Variants in TRIM67 observed in about 807,000 individuals in gnomAD.
TRIM67 encodes tripartite motif containing 67, also known as tripartite motif-containing protein 67.
TRIM67 carries 39 observed loss-of-function variants against 71.0 expected under a neutral mutation model. The observed-to-expected ratio is 0.55, with a 90% CI of 0.43 to 0.72. TRIM67 has a LOEUF of 0.72. Ranked by LOEUF, TRIM67 falls within the 30% of genes least tolerant of loss-of-function variation. The pLI is 0.00. For missense variants in TRIM67, 973 were observed against 1,079.2 expected, an observed-to-expected ratio of 0.90 and a Z score of 1.38; for synonymous variants, 481 against 473.9, an observed-to-expected ratio of 1.01 and a Z score of -0.19.
intron 1 of TRIM67, among the ~76,000 whole-genome samples, chr1:231,174,333 A>ATT (rs111838016): frequency 5.5e-4 from 77 of 138,804 alleles, no homozygotes; most frequent in African/African-American, 1.7e-3. Flanking sequence ...AAATTTGCTA[A>ATT]TTTTTTTTTT....
chr1:231,202,477 T>C (rs1460414901), intron 5 of TRIM67, among the ~76,000 whole-genome samples: 1 of 152,066 alleles, frequency 6.6e-6, no homozygotes, highest in Non-Finnish European at 1.5e-5. Flanking sequence ...TCAGAGACCC[T>C]AGAGGGTTAA....
In TRIM67 at chr1:231,217,599, C is replaced by T. The variant is rs796794019; in HGVS notation, c.*2159C>T. 9.5e-7 allele frequency: 1 copy of T among 1,049,274 alleles called. No individual in the cohort carries two copies. The highest frequency in any genetic ancestry group is 1.2e-6 in the Non-Finnish European group (1 of 865,282). The allele number at this position is 1,049,274 out of a possible 1,614,324, so 65.0% of individuals were successfully genotyped here. ...GTCTAGCTCTCTTCTGAAAAAAAAACAGGCCTACACCCTGCCCCCAGAATG... is the reference window on the plus strand; with the variant it reads ...GTCTAGCTCTCTTCTGAAAAAAAAATAGGCCTACACCCTGCCCCCAGAATG... On this transcript the variant is annotated 3_prime_UTR_variant, in exon 10 of 10. Coordinates refer to ENST00000366653, the MANE Select transcript of TRIM67 (RefSeq NM_001004342.5).
chr1:231,178,747 G>A (rs538972493), intron 1 of TRIM67, among the ~76,000 whole-genome samples: 49 of 152,286 alleles, frequency 3.2e-4, no homozygotes, highest in African/African-American at 5.8e-4. Flanking sequence ...AAAAAGATCC[G>A]TGTTCCATTT....
At chr1:231,172,914 T>C (rs1253517057) in intron 1 of TRIM67, among the ~76,000 whole-genome samples, 1 of 152,264 alleles carries the variant, frequency 6.6e-6, no homozygotes, top group Non-Finnish European at 1.5e-5. Flanking sequence ...ACCTATCAGC[T>C]GAGCTGTGTA....
chr1:231,201,655 C>T (rs1222023336), intron 5 of TRIM67, 138 bp downstream of exon 5: 7 of 1,098,588 alleles, frequency 6.4e-6, no homozygotes, highest in East Asian at 2.6e-5. Flanking sequence ...GCCAGAGTCA[C>T]GGACCTAGGT....
At chr1:231,194,652 C>T (rs904138822) in intron 1 of TRIM67, among the ~76,000 whole-genome samples, 2 of 152,108 alleles carry the variant, frequency 1.3e-5, no homozygotes, top group African/African-American at 4.8e-5. Context: ...ATGTGCAAGG[C>T]GATCAGTAAA....
intron 2 of TRIM67, 131 bp downstream of exon 2, chr1:231,197,597 G>A (rs756171786): frequency 4.5e-5 from 32 of 705,052 alleles, no homozygotes; most frequent in East Asian, 2.0e-4. Flanking sequence ...AGGCCGAGGC[G>A]GGCAGATCAC....
intron 6 of TRIM67, among the ~76,000 whole-genome samples, chr1:231,204,611 T>C (rs2102755546): frequency 6.6e-6 from 1 of 152,296 alleles, no homozygotes; most frequent in East Asian, 1.9e-4. Context: ...CCAGCCCTAA[T>C]AGAGCACTAC....
At chr1:231,200,030 G>A (rs1365650443) in intron 3 of TRIM67, 118 bp from the exon 4 acceptor site, 12 of 705,242 alleles carry the variant, frequency 1.7e-5, no homozygotes, top group African/African-American at 3.5e-5. Context: ...GGTGCAAGGT[G>A]GTCCAGGCCA....
At chr1:231,179,877 G>T (rs972173396) in intron 1 of TRIM67, among the ~76,000 whole-genome samples, 2 of 152,164 alleles carry the variant, frequency 1.3e-5, no homozygotes, top group Non-Finnish European at 2.9e-5. Context: ...GCAGTGTGGT[G>T]CTGATTAGAG....
At chr1:231,168,956 G>C (rs1408803325) in intron 1 of TRIM67, among the ~76,000 whole-genome samples, 1 of 152,260 alleles carries the variant, frequency 6.6e-6, no homozygotes, top group Non-Finnish European at 1.5e-5. Flanking sequence ...ACTTTAAGCA[G>C]AGTGTTTGGA....
chr1:231,164,056 G>A (rs377023218), intron 1 of TRIM67, 43 bp downstream of exon 1: 4 of 1,437,788 alleles, frequency 2.8e-6, no homozygotes, highest in African/African-American at 2.9e-5. Flanking sequence ...AGGGAAGAGG[G>A]TACGAGGAGA....
Position 231,209,307 on chromosome 1 carries a change from C to T in TRIM67, c.2123+57C>T, listed in dbSNP as rs145051537. ...ACACAGGTTGTTTGGGAATGAGGGT[C>T]CTGAAGACCAGTGTCCCTTCTGCTG... On this transcript the variant is annotated intron_variant, in intron 8 of 9. Transcript: ENST00000366653. The surrounding 1 kb of genome is among the most constrained non-coding windows in gnomAD (Gnocchi z 4.1). 1,201 of 1,473,390 alleles carry T rather than the reference C, an allele frequency of 8.2e-4. 7 individuals are homozygous for T. The African/African-American group carries it at 0.016, about 19-fold the overall frequency. The allele number at this position is 1,473,390 out of a possible 1,614,324, so 91.3% of individuals were successfully genotyped here. A position where few individuals can be genotyped will look rare whatever the true frequency, so the allele number is the denominator to read the frequency against.
At chr1:231,169,697 A>T (rs1682574373) in intron 1 of TRIM67, among the ~76,000 whole-genome samples, 1 of 151,828 alleles carries the variant, frequency 6.6e-6, no homozygotes, top group Non-Finnish European at 1.5e-5. Context: ...AATTTTTGAG[A>T]AGTTGAATCT....
Position 231,162,776 on chromosome 1 carries a change from C to A in TRIM67, c.-194C>A, listed in dbSNP as rs1049140668. 2.8e-5 allele frequency: 19 copies of A among 669,762 alleles called. No individual in the cohort carries two copies. In the South Asian group the frequency reaches 3.7e-4, roughly 13 times the overall value. The allele number at this position is 669,762 out of a possible 1,614,324, so 41.5% of individuals were successfully genotyped here. On this transcript the variant is annotated 5_prime_UTR_variant, in exon 1 of 10. Coordinates refer to ENST00000366653, the MANE Select transcript of TRIM67 (RefSeq NM_001004342.5). ...GGTGAGGACCCCCTCCCTTCTCTCG[C>A]CCCTCAATCATCTTAGGGCGGTGGC... is the stretch of plus-strand genomic sequence containing the variant.
In TRIM67 at chr1:231,220,781, A is replaced by G. The variant is rs1684122173; in HGVS notation, c.*5341A>G. ...CTCCAGGGAAGTCTCGTCCGGATCC[A>G]TCGCTCTTCTCTCAAGGAGCACAGT... On this transcript the variant is annotated 3_prime_UTR_variant, in exon 10 of 10. Transcript: ENST00000366653. 1 of 152,316 alleles carries G rather than the reference A, an allele frequency of 6.6e-6. No individual in the cohort carries two copies. The highest frequency in any genetic ancestry group is 2.4e-5 in the African/African-American group (1 of 41,468). 9.4% of individuals were successfully genotyped at this position (152,316 alleles called of 1,614,324 possible).
chr1:231,202,626 A>G (rs1198118846), intron 5 of TRIM67, among the ~76,000 whole-genome samples: 1 of 152,194 alleles, frequency 6.6e-6, no homozygotes, highest in Non-Finnish European at 1.5e-5. Flanking sequence ...TGAGGGCCAC[A>G]CTTGCAGAAT....
Position 231,216,896 on chromosome 1 carries a change from A to C in TRIM67, c.*1456A>C. On this transcript the variant is annotated 3_prime_UTR_variant, in exon 10 of 10. Transcript: ENST00000366653. ...CCAGTCACCTGCCACCTCCAGCTCC[A>C]CCTGGTAGTAACATTTCTCTCTCCT... 1.0e-6 allele frequency: 1 copy of C among 985,426 alleles called. No individual in the cohort carries two copies. Among genetic ancestry groups the C allele is most frequent in the Non-Finnish European group, 1.2e-6 (1 of 829,940 alleles). 61.0% of individuals were successfully genotyped at this position (985,426 alleles called of 1,614,324 possible). A position where few individuals can be genotyped will look rare whatever the true frequency, so the allele number is the denominator to read the frequency against.
chr1:231,193,248 G>A (rs1012300810), intron 1 of TRIM67, among the ~76,000 whole-genome samples: 12 of 152,310 alleles, frequency 7.9e-5, no homozygotes, highest in Admixed American at 7.8e-4. Flanking sequence ...CCTACTTTGT[G>A]CAGCACAGTG....
Sources: gnomAD v4.1 joint callset for allele counts (sites outside exome capture counted in the v4.1 genomes callset) on GRCh38, gnomAD v4.1.1 for gene constraint, Gnocchi (gnomAD v3.1) non-coding constraint, MANE v1.5 for transcripts, NCBI Gene and HGNC (gene_info 2026-07-23, HGNC 2026-07-21) for gene names.